The following RPTOR variants were observed in gnomAD, a reference collection of about 807,000 sequenced individuals.
RPTOR encodes regulatory-associated protein of mTOR.
RPTOR carries 21 observed loss-of-function variants against 169.9 expected under a neutral mutation model. The ratio of observed to expected loss-of-function variants is 0.12; its 90% CI spans 0.09 to 0.18. The LOEUF (loss-of-function observed/expected upper bound fraction) is 0.18, where lower values mean the gene tolerates loss of function less well. Ranked by LOEUF, RPTOR falls within the 10% of genes least tolerant of loss-of-function variation. The pLI is 1.00. For synonymous variants in RPTOR, 732 were observed against 753.2 expected (o/e 0.97, Z 0.46); for missense variants, 1,133 against 1,855.9 (o/e 0.61, Z 7.16).
chr17:80,878,004 C>T lies in RPTOR; in HGVS notation c.1510-2411C>T, dbSNP rs1407156258. 1.3e-5 allele frequency among the ~76,000 whole-genome samples: 2 copies of T among 152,244 alleles called. No homozygotes were observed. The highest frequency in any genetic ancestry group is 6.5e-5 in the Admixed American group (1 of 15,286). ...GGGCTGCATAACCAGCAGATTCCCT[C>T]TGCAAAACTGCTCCTGCCTCAGTGG... On this transcript the variant is annotated intron_variant, in intron 13 of 33. Transcript: ENST00000306801. The surrounding 1 kb of genome is among the most constrained non-coding windows in gnomAD (Gnocchi z 4.1).
At chr17:80,962,804 A>C (rs911706883) in intron 32 of RPTOR, 124 bp from the exon 33 acceptor site, 3 of 1,502,202 alleles carry the variant, frequency 2.0e-6, no homozygotes, top group African/African-American at 1.4e-5. Flanking sequence ...AGAGGGTCAC[A>C]CCTGCCCCGA....
intron 6 of RPTOR, among the ~76,000 whole-genome samples, chr17:80,758,917 C>T (rs536099410): frequency 6.6e-6 from 1 of 151,884 alleles, no homozygotes; most frequent in Admixed American, 6.6e-5. Context: ...CGCTACCTTC[C>T]TGTGCCTTCC....
intron 13 of RPTOR, among the ~76,000 whole-genome samples, chr17:80,859,070 A>G (rs1033276492): frequency 2.0e-5 from 3 of 152,002 alleles, no homozygotes; most frequent in African/African-American, 7.3e-5. Context: ...GGGTTGGGAG[A>G]GGCGACTCGG....
At chr17:80,817,862 C>T (rs2067339789) in intron 7 of RPTOR, among the ~76,000 whole-genome samples, 1 of 152,162 alleles carries the variant, frequency 6.6e-6, no homozygotes, top group Admixed American at 6.5e-5. Context: ...TGGCCTGGCA[C>T]TCTACAGTGG....
chr17:80,883,175 C>T (rs892106062), intron 14 of RPTOR, among the ~76,000 whole-genome samples: 1 of 152,218 alleles, frequency 6.6e-6, no homozygotes. Flanking sequence ...GCCCGTCTTG[C>T]AGTGTTAGGG....
At chr17:80,598,082 C>T (rs1157731318) in intron 1 of RPTOR, among the ~76,000 whole-genome samples, 3 of 152,052 alleles carry the variant, frequency 2.0e-5, no homozygotes, top group Admixed American at 1.3e-4. Flanking sequence ...GCTGAGGCCA[C>T]CGTGAGCCGT....
chr17:80,780,488 C>T (rs1362889991), intron 6 of RPTOR, among the ~76,000 whole-genome samples: 5 of 152,188 alleles, frequency 3.3e-5, no homozygotes, highest in Non-Finnish European at 7.3e-5. Context: ...TCCTGAAAAA[C>T]AGTTGCTGAC....
At chr17:80,713,682 A>C (rs2066215718) in intron 4 of RPTOR, among the ~76,000 whole-genome samples, 1 of 152,196 alleles carries the variant, frequency 6.6e-6, no homozygotes, top group Non-Finnish European at 1.5e-5. Context: ...CAGAGAAAAT[A>C]GACTGCAAGA....
intron 10 of RPTOR, among the ~76,000 whole-genome samples, chr17:80,840,160 C>T (rs926587922): frequency 6.6e-6 from 1 of 152,188 alleles, no homozygotes; most frequent in African/African-American, 2.4e-5. Flanking sequence ...CCCCTCTTAG[C>T]TCCTCCCTTC....
chr17:80,797,067 T>A (rs2067108619), intron 7 of RPTOR, among the ~76,000 whole-genome samples: 1 of 152,218 alleles, frequency 6.6e-6, no homozygotes, highest in African/African-American at 2.4e-5. Flanking sequence ...AATTTTTGGA[T>A]TTTGTTCCCC....
At chr17:80,701,855 G>A (rs1265666962) in intron 3 of RPTOR, among the ~76,000 whole-genome samples, 1 of 152,124 alleles carries the variant, frequency 6.6e-6, no homozygotes, top group Non-Finnish European at 1.5e-5. Context: ...TGTCAAAGGG[G>A]AAGACCCACC....
chr17:80,851,918 A>G (rs1223870167), intron 11 of RPTOR, among the ~76,000 whole-genome samples: 1 of 152,256 alleles, frequency 6.6e-6, no homozygotes, highest in Non-Finnish European at 1.5e-5. Flanking sequence ...GGAAAAAAAC[A>G]AAAAGAATCA....
intron 6 of RPTOR, among the ~76,000 whole-genome samples, chr17:80,762,067 C>T (rs1469326088): frequency 6.6e-6 from 1 of 152,166 alleles, no homozygotes; most frequent in African/African-American, 2.4e-5. Flanking sequence ...ATTTTTTCTC[C>T]CCAAACAAGA....
Position 80,676,265 on chromosome 17 carries a change from T to C in RPTOR, c.349-31576T>C, listed in dbSNP as rs182085944. 1.6e-3 allele frequency among the ~76,000 whole-genome samples: 248 copies of C among 152,350 alleles called. 4 individuals are homozygous for C. The highest frequency in any genetic ancestry group is 9.7e-4 in the Non-Finnish European group (66 of 68,038). On this transcript the variant is annotated intron_variant, in intron 3 of 33. Transcript: ENST00000306801. ...TAGGTTAGAAGTGGTTAAGTAAAGA[T>C]GAATGGCGAATGGGATTTGATTAAA...
chr17:80,715,584 T>TG (rs202167084), intron 4 of RPTOR, among the ~76,000 whole-genome samples: 14 of 129,750 alleles, frequency 1.1e-4, no homozygotes, highest in African/African-American at 4.9e-4. Flanking sequence ...TTTATTTTTA[T>TG]GTTTTTTTTT....
At chr17:80,687,955 T>C (rs1285772337) in intron 3 of RPTOR, among the ~76,000 whole-genome samples, 1 of 152,156 alleles carries the variant, frequency 6.6e-6, no homozygotes, top group Non-Finnish European at 1.5e-5. Context: ...GTGGCCGGCT[T>C]CTTGTCCCGG....
rs1297028605 is a variant in RPTOR, at chr17:80,721,611, C to G, written c.508-8949C>G. On this transcript the variant is annotated intron_variant, in intron 4 of 33. Coordinates refer to ENST00000306801, the MANE Select transcript of RPTOR (RefSeq NM_020761.3). This position sits in a 1 kb window ranked among gnomAD's most constrained non-coding sequence, Gnocchi z 4.7. The stretch of plus-strand genomic sequence containing the variant: ...GGTGGGGCTGGGCAGCTGGGTGTCT[C>G]CAGCCCATCATGCTGGAACATGCTG... Among the ~76,000 whole-genome samples the G allele has an allele frequency of 6.6e-6, 1 of 151,300 alleles. No homozygotes were observed. The highest frequency in any genetic ancestry group is 1.5e-5 in the Non-Finnish European group (1 of 68,032).
Position 80,957,516 on chromosome 17 carries a change from C to A in RPTOR, c.3371-108C>A. The A allele has an allele frequency of 1.0e-6, 1 of 974,936 alleles. No homozygotes were observed. Among genetic ancestry groups the A allele is most frequent in the Non-Finnish European group, 1.6e-6 (1 of 607,858 alleles). The allele number at this position is 974,936 out of a possible 1,614,324, so 60.4% of individuals were successfully genotyped here. On this transcript the variant is annotated intron_variant, in intron 28 of 33. Transcript: ENST00000306801. This position sits in a 1 kb window ranked among gnomAD's most constrained non-coding sequence, Gnocchi z 4.6. The stretch of plus-strand genomic sequence containing the variant: ...ACCCACCAGATGGGCTCGATGGTGG[C>A]AGGGGTACCTTGTAGCTGCTGGCCA...
chr17:80,962,816 C>T (rs2144104405), intron 32 of RPTOR, 112 bp from the exon 33 acceptor site: 2 of 1,534,640 alleles, frequency 1.3e-6, no homozygotes, highest in Admixed American at 1.8e-5. Flanking sequence ...CTGCCCCGAG[C>T]CAGCCTGTCC....
Sources: gnomAD v4.1 joint callset for allele counts (sites outside exome capture counted in the v4.1 genomes callset) on GRCh38, gnomAD v4.1.1 for gene constraint, Gnocchi (gnomAD v3.1) non-coding constraint, MANE v1.5 for transcripts, NCBI Gene and HGNC (gene_info 2026-07-23, HGNC 2026-07-21) for gene names.